IQGAP2: variants seen among roughly 807,000 people sequenced by gnomAD.
IQGAP2 encodes ras GTPase-activating-like protein IQGAP2.
In IQGAP2, 173 loss-of-function variants were observed where a neutral mutation model predicts 201.3. The ratio of observed to expected loss-of-function variants is 0.86; its 90% CI spans 0.76 to 0.98. IQGAP2 has a LOEUF of 0.98. IQGAP2 is among the 50% of genes least tolerant of loss of function. The pLI is 0.00. For missense variants in IQGAP2, 1,687 were observed against 1,864.8 expected, an observed-to-expected ratio of 0.90 and a Z score of 1.76; for synonymous variants, 675 against 673.9, an observed-to-expected ratio of 1.00 and a Z score of -0.03.
chr5:76,439,130 G>A (rs1317580489), intron 1 of IQGAP2, among the ~76,000 whole-genome samples: 1 of 152,156 alleles, frequency 6.6e-6, no homozygotes, highest in African/African-American at 2.4e-5. Context: ...TCATTCTGGA[G>A]CAGATTAATT....
At chr5:76,674,390 G>A (rs1744621850) in intron 26 of IQGAP2, 87 bp from the exon 27 acceptor site, 9 of 723,428 alleles carry the variant, frequency 1.2e-5, no homozygotes, top group Non-Finnish European at 2.1e-5. Flanking sequence ...AAATGTAGGA[G>A]AATATATATC....
intron 2 of IQGAP2, among the ~76,000 whole-genome samples, chr5:76,553,899 G>A (rs765438241): frequency 1.2e-4 from 18 of 152,268 alleles, no homozygotes; most frequent in Admixed American, 4.6e-4. Context: ...TCTGGTTTTC[G>A]TTTCTGTGGA....
chr5:76,672,109 C>T, intron 24 of IQGAP2, 126 bp downstream of exon 24: 1 of 697,612 alleles, frequency 1.4e-6, no homozygotes, highest in Non-Finnish European at 2.5e-6. Flanking sequence ...CAAAATGTTA[C>T]CTCCCTTTAA....
In IQGAP2 at chr5:76,658,536, G is replaced by A; in HGVS notation, c.2398G>A (p.Glu800Lys). ...LLDQSDLDFQ[E>K]ELEVARLREE... Reference sequence around the variant, plus strand: ...GGACCAAAGTGATTTGGATTTCCAGGAGGAACTAGAGGTTGCACGATTAAG... The same window carrying A: ...GGACCAAAGTGATTTGGATTTCCAGAAGGAACTAGAGGTTGCACGATTAAG... The change falls in exon 21 of 36, where the codon GAG (glutamate) becomes AAG (lysine). Residue 800 changes from glutamate to lysine, a missense_variant. Glu to Lys is a moderately conservative substitution (Grantham distance 56, BLOSUM62 1). Transcript: ENST00000274364. 4 of 1,614,012 alleles carry A rather than the reference G, an allele frequency of 2.5e-6. No homozygotes were observed. The highest frequency in any genetic ancestry group is 3.4e-6 in the Non-Finnish European group (4 of 1,179,964).
chr5:76,518,723 G>A (rs975835912), intron 2 of IQGAP2, among the ~76,000 whole-genome samples: 2 of 152,150 alleles, frequency 1.3e-5, no homozygotes, highest in Non-Finnish European at 2.9e-5. Flanking sequence ...ACTATTGATG[G>A]AGTTGACAGG....
chr5:76,643,565 C>G (rs1470894088), intron 17 of IQGAP2, among the ~76,000 whole-genome samples: 1 of 151,782 alleles, frequency 6.6e-6, no homozygotes, highest in Non-Finnish European at 1.5e-5. Context: ...AATGGGGATC[C>G]AATATTGATA....
chr5:76,586,816 C>T lies in IQGAP2; in HGVS notation c.459-2090C>T, dbSNP rs570492183. ...CAGTGGGAGCCTGCGTGACACTCCA[C>T]TTAGTTGTCCATACAACCATCTGGA... is the stretch of plus-strand genomic sequence containing the variant. On this transcript the variant is annotated intron_variant, in intron 5 of 35. Coordinates refer to ENST00000274364, the MANE Select transcript of IQGAP2 (RefSeq NM_006633.5). Among the ~76,000 whole-genome samples the T allele has an allele frequency of 1.6e-3, 241 of 152,350 alleles. 1 individual carries two copies. The highest frequency in any genetic ancestry group is 5.6e-3 in the African/African-American group (231 of 41,596).
At chr5:76,699,749 CG>C (rs1561608763) in intron 33 of IQGAP2, among the ~76,000 whole-genome samples, 9 of 55,932 alleles carry the variant, frequency 1.6e-4, no homozygotes, top group South Asian at 5.3e-4. Flanking sequence ...CTCTCACTCT[CG>C]TGCTCTCTCT....
chr5:76,511,482 T>A (rs1226399905), intron 2 of IQGAP2, among the ~76,000 whole-genome samples: 1 of 152,224 alleles, frequency 6.6e-6, no homozygotes, highest in Non-Finnish European at 1.5e-5. Flanking sequence ...TTAGGTGCCC[T>A]TGGCCTGAGC....
intron 1 of IQGAP2, among the ~76,000 whole-genome samples, chr5:76,438,006 T>C (rs1286966959): frequency 1.6e-5 from 2 of 128,242 alleles, no homozygotes; most frequent in African/African-American, 3.6e-5. Context: ...TATTGGTCTG[T>C]AGTTTTTTTT....
chr5:76,644,745 A>G (rs1319862186), intron 17 of IQGAP2, among the ~76,000 whole-genome samples: 1 of 152,212 alleles, frequency 6.6e-6, no homozygotes, highest in Non-Finnish European at 1.5e-5. Flanking sequence ...ACATAATAGG[A>G]AAAGCTCATC....
At position 76,496,702 on chromosome 5, in the gene IQGAP2, C is replaced by T. The variant is rs1015385398; in HGVS notation, c.146+35033C>T. On this transcript the variant is annotated intron_variant, in intron 2 of 35. Coordinates refer to ENST00000274364, the MANE Select transcript of IQGAP2 (RefSeq NM_006633.5). ...ACCAAATATTTTTCTTTCTTTCTGT[C>T]TCTTTCTTTCTTTCTTTCTTTCTTT... Among the ~76,000 whole-genome samples, 7 of 81,060 alleles carry T rather than the reference C, an allele frequency of 8.6e-5. 1 individual carries two copies. Among genetic ancestry groups the T allele is most frequent in the African/African-American group, 2.2e-4 (4 of 18,372 alleles). 53.2% of individuals were successfully genotyped at this position (81,060 alleles called of 152,430 possible). A position where few individuals can be genotyped will look rare whatever the true frequency, so the allele number is the denominator to read the frequency against.
intron 5 of IQGAP2, among the ~76,000 whole-genome samples, chr5:76,580,301 G>A (rs181274576): frequency 0.016 from 2,416 of 149,422 alleles, 29 homozygotes; most frequent in Non-Finnish European, 0.025. Flanking sequence ...AAAAAAGCAT[G>A]GTGGCACACG....
At chr5:76,555,291 G>T (rs1743863918) in intron 2 of IQGAP2, among the ~76,000 whole-genome samples, 1 of 152,184 alleles carries the variant, frequency 6.6e-6, no homozygotes, top group African/African-American at 2.4e-5. Context: ...AGTGTATGAT[G>T]TGTGGATTAT....
intron 13 of IQGAP2, chr5:76,617,735 G>C: frequency 6.2e-7 from 1 of 1,614,016 alleles, no homozygotes; most frequent in Non-Finnish European, 8.5e-7. Flanking sequence ...AGTTAGCATG[G>C]TGAATAATAA....
intron 2 of IQGAP2, among the ~76,000 whole-genome samples, chr5:76,524,978 CCT>C (rs1202629308): frequency 4.6e-5 from 7 of 152,174 alleles, no homozygotes; most frequent in Admixed American, 1.3e-4. Flanking sequence ...CTATCTTTTT[CCT>C]CTGTCTTATT....
intron 5 of IQGAP2, 115 bp from the exon 6 acceptor site, chr5:76,588,791 G>T: frequency 2.1e-6 from 1 of 486,872 alleles, no homozygotes; most frequent in Non-Finnish European, 3.6e-6. Context: ...AAAATGAATA[G>T]ACTAGATATC....
intron 32 of IQGAP2, among the ~76,000 whole-genome samples, chr5:76,696,442 A>G (rs1263684964): frequency 2.0e-5 from 3 of 152,238 alleles, no homozygotes; most frequent in African/African-American, 7.2e-5. Flanking sequence ...AACTTAGTGC[A>G]ATGAAACATC....
intron 2 of IQGAP2, among the ~76,000 whole-genome samples, chr5:76,557,097 C>T (rs1181954440): frequency 6.6e-6 from 1 of 152,208 alleles, no homozygotes; most frequent in African/African-American, 2.4e-5. Context: ...TCTACCGCTA[C>T]TCTGGAAGCA....
Sources: gnomAD v4.1 joint callset for allele counts (sites outside exome capture counted in the v4.1 genomes callset) on GRCh38, gnomAD v4.1.1 for gene constraint, MANE v1.5 for transcripts, NCBI Gene and HGNC (gene_info 2026-07-23, HGNC 2026-07-21) for gene names.